MYO7B: variants seen among roughly 807,000 people sequenced by gnomAD.
MYO7B encodes the protein unconventional myosin-VIIb.
In MYO7B, 212 loss-of-function variants were observed where a neutral mutation model predicts 259.7. The ratio of observed to expected loss-of-function variants is 0.82; its 90% confidence interval spans 0.73 to 0.91. The LOEUF (loss-of-function observed/expected upper bound fraction) is 0.91, where lower values mean the gene tolerates loss of function less well. Ranked by LOEUF, MYO7B falls within the 40% of genes least tolerant of loss-of-function variation. The pLI is 0.00. For synonymous variants in MYO7B, 1,197 were observed against 1,166.4 expected, an observed-to-expected ratio of 1.03 and a Z score of -0.54; for missense variants, 2,732 against 2,813.5, an observed-to-expected ratio of 0.97 and a Z score of 0.66.
rs1308205388 is a variant in MYO7B, at chr2:127,636,046, C to A, written c.6006+139C>A. On this transcript the variant is annotated intron_variant, in intron 44 of 47. Coordinates refer to ENST00000409816, the MANE Select transcript of MYO7B (RefSeq NM_001393586.1). The surrounding 1 kb of genome is among the most constrained non-coding windows in gnomAD (Gnocchi z 4.5). Reference sequence around the variant, plus strand: ...GGAGGGTGGGCTGGCTCTGCACACACCACGCCTTCCTATGCCATCCACAGC... The same window carrying A: ...GGAGGGTGGGCTGGCTCTGCACACAACACGCCTTCCTATGCCATCCACAGC... The A allele has an allele frequency of 4.4e-6, 5 of 1,127,712 alleles. No individual in the cohort carries two copies. The highest frequency in any genetic ancestry group is 6.3e-6 in the Non-Finnish European group (5 of 794,620). 69.9% of individuals were successfully genotyped at this position (1,127,712 alleles called of 1,614,324 possible).
chr2:127,614,690 C>T lies in MYO7B; in HGVS notation c.3398+2087C>T, dbSNP rs1680506146. Among the ~76,000 whole-genome samples, 1 of 152,130 alleles carries T rather than the reference C, an allele frequency of 6.6e-6. No homozygotes were observed. The highest frequency in any genetic ancestry group is 1.5e-5 in the Non-Finnish European group (1 of 68,024). On this transcript the variant is annotated intron_variant, in intron 26 of 47. Transcript: ENST00000409816. The surrounding 1 kb of genome is among the most constrained non-coding windows in gnomAD (Gnocchi z 4.6). ...GCAGCCCCCAGTTCTCCTGGGGTCC[C>T]CTTCACCAACCTCATCACTTACAGG...
Position 127,624,121 on chromosome 2 carries a change from A to T in MYO7B, c.3848A>T (p.His1283Leu). 3 of 1,585,478 alleles carry T rather than the reference A, an allele frequency of 1.9e-6. No individual in the cohort carries two copies. Among genetic ancestry groups the T allele is most frequent in the Non-Finnish European group, 2.6e-6 (3 of 1,166,742 alleles). ...KFWSLGSGRDHMMDAIARCEQ... is the reference protein window; with the variant it reads ...KFWSLGSGRDLMMDAIARCEQ... ...TGGTCCCTGGGCAGCGGGCGCGACCACATGATGGATGCCATCGCCCGGTGT... is the reference window on the plus strand; with the variant it reads ...TGGTCCCTGGGCAGCGGGCGCGACCTCATGATGGATGCCATCGCCCGGTGT... Residue 1283 changes from histidine to leucine, a missense_variant, in exon 30 of 48, where the codon CAC becomes CTC. Coordinates refer to ENST00000409816, the MANE Select transcript of MYO7B (RefSeq NM_001393586.1).
chr2:127,600,596 G>C (rs1463390010), intron 19 of MYO7B, among the ~76,000 whole-genome samples: 1 of 152,244 alleles, frequency 6.6e-6, no homozygotes, highest in Non-Finnish European at 1.5e-5. Context: ...TGTAATCTCA[G>C]CTACTCAGGA....
chr2:127,540,457 C>A (rs1028156333), intron 1 of MYO7B, among the ~76,000 whole-genome samples: 15 of 152,184 alleles, frequency 9.9e-5, no homozygotes, highest in Admixed American at 2.0e-4. Context: ...AGCCACCGCG[C>A]CCAGCCGCAA....
In MYO7B at chr2:127,615,016, G is replaced by A. The variant is rs992086043; in HGVS notation, c.3398+2413G>A. On this transcript the variant is annotated intron_variant, in intron 26 of 47. Transcript: ENST00000409816. This position sits in a 1 kb window ranked among gnomAD's most constrained non-coding sequence, Gnocchi z 4.4. ...CACTCTGGGTCAGGCCCCAGCCTGA[G>A]GGCCAGGGACAGAGATGAAGAAGAC... Among the ~76,000 whole-genome samples the A allele has an allele frequency of 1.3e-5, 2 of 152,204 alleles. No homozygotes were observed. Among genetic ancestry groups the A allele is most frequent in the African/African-American group, 4.8e-5 (2 of 41,456 alleles).
At position 127,628,704 on chromosome 2, in the gene MYO7B, T is replaced by C. The variant is rs1681293646; in HGVS notation, c.4624+169T>C. Reference sequence around the variant, plus strand: ...CAGCTTTAGGCAAGGCCCTGCCTTCTTTCAGCCACTGCTTCCTCTTCTACA... The same window carrying C: ...CAGCTTTAGGCAAGGCCCTGCCTTCCTTCAGCCACTGCTTCCTCTTCTACA... On this transcript the variant is annotated intron_variant, in intron 34 of 47. Transcript: ENST00000409816. The surrounding 1 kb of genome is among the most constrained non-coding windows in gnomAD (Gnocchi z 4.8). 6.6e-6 allele frequency among the ~76,000 whole-genome samples: 1 copy of C among 152,188 alleles called. No individual in the cohort carries two copies. Among genetic ancestry groups the C allele is most frequent in the South Asian group, 2.1e-4 (1 of 4,834 alleles).
rs1681484032 is a variant in MYO7B at position 127,631,210 on chromosome 2, C to T, written c.4942C>T (p.Pro1648Ser). 1 of 1,598,242 alleles carries T rather than the reference C, an allele frequency of 6.3e-7. No homozygotes were observed. The highest frequency in any genetic ancestry group is 1.3e-5 in the African/African-American group (1 of 74,798). Residue 1648 changes from proline (P) to serine (S), a missense_variant, in exon 37 of 48, where the codon CCA becomes TCA. By Grantham distance (74) the Pro-to-Ser change is moderately conservative. Coordinates refer to ENST00000409816, the MANE Select transcript of MYO7B (RefSeq NM_001393586.1). Reference sequence around the variant, plus strand: ...CACCAGCCTCTAACCTCACAGGGCTCCAGAGAAGGACATGGTGAGCATGGC... The same window carrying T: ...CACCAGCCTCTAACCTCACAGGGCTTCAGAGAAGGACATGGTGAGCATGGC... ...EEFSYEFFRA[P>S]EKDMVSMAVL...
At chr2:127,555,183 G>A (rs147925987) in intron 1 of MYO7B, among the ~76,000 whole-genome samples, 26 of 152,152 alleles carry the variant, frequency 1.7e-4, no homozygotes, top group African/African-American at 4.3e-4. Flanking sequence ...CCCTGACCTC[G>A]TGACCCACTC....
Position 127,609,244 on chromosome 2 carries a change from G to A in MYO7B, c.2815-262G>A, listed in dbSNP as rs1329100988. Among the ~76,000 whole-genome samples, 2 of 152,158 alleles carry A rather than the reference G, an allele frequency of 1.3e-5. No homozygotes were observed. The highest frequency in any genetic ancestry group is 2.9e-5 in the Non-Finnish European group (2 of 68,006). ...TGCAGTGAGGATGGTGCATGCGGCA[G>A]AGGACACAGTGTCTGAGCGTGGGGC... On this transcript the variant is annotated intron_variant, in intron 22 of 47. Coordinates refer to ENST00000409816, the MANE Select transcript of MYO7B (RefSeq NM_001393586.1). The surrounding 1 kb of genome is among the most constrained non-coding windows in gnomAD (Gnocchi z 6.9).
chr2:127,580,472 C>G (rs1462293862), intron 9 of MYO7B, among the ~76,000 whole-genome samples: 1 of 152,244 alleles, frequency 6.6e-6, no homozygotes, highest in Non-Finnish European at 1.5e-5. Flanking sequence ...TCCAAATAAG[C>G]CCACCTTTCT....
At chr2:127,592,164 C>G (rs190019502) in intron 16 of MYO7B, among the ~76,000 whole-genome samples, 77 of 152,294 alleles carry the variant, frequency 5.1e-4, no homozygotes, top group African/African-American at 1.8e-3. Flanking sequence ...GACGCCAAGG[C>G]GGGCGGATCA....
Position 127,578,142 on chromosome 2 carries a change from A to G in MYO7B, c.859A>G (p.Thr287Ala), listed in dbSNP as rs1189838576. The G allele has an allele frequency of 6.2e-7, 1 of 1,613,602 alleles. No individual in the cohort carries two copies. Among genetic ancestry groups the G allele is most frequent in the Non-Finnish European group, 8.5e-7 (1 of 1,179,868 alleles). Reference protein sequence around the residue: ...EYHYLTMGNCTSCEGLNDAKD... With the variant: ...EYHYLTMGNCASCEGLNDAKD... ...GCACCCTGTCCCTCAGGGGAACTGC[A>G]CTTCCTGTGAGGGGCTCAACGACGC... The change falls in exon 9 of 48, where the codon ACT becomes GCT. Residue 287 changes from threonine to alanine, a missense_variant. By Grantham distance (58) the Thr-to-Ala change is moderately conservative. Coordinates refer to ENST00000409816, the MANE Select transcript of MYO7B (RefSeq NM_001393586.1).
chr2:127,589,876 G>A lies in MYO7B; in HGVS notation c.1855-216G>A, dbSNP rs186477509. Among the ~76,000 whole-genome samples the A allele has an allele frequency of 8.9e-3, 1,164 of 131,148 alleles. 17 individuals are homozygous for A. The highest frequency in any genetic ancestry group is 0.031 in the African/African-American group (1,081 of 34,722). 86.0% of individuals were successfully genotyped at this position (131,148 alleles called of 152,430 possible). A position where few individuals can be genotyped will look rare whatever the true frequency, so the allele number is the denominator to read the frequency against. On this transcript the variant is annotated intron_variant, in intron 15 of 47. Transcript: ENST00000409816. ...GGTGGGCGGGTGGATGGGTGGGTGG[G>A]TGGATGGATAGGTGTGTGAGTGGAT... is the stretch of plus-strand genomic sequence containing the variant.
rs1444711695 is a variant in MYO7B at position 127,628,876 on chromosome 2, C to CCCCATTAT, written c.4624+348_4624+355dup. Among the ~76,000 whole-genome samples, 3 of 152,242 alleles carry CCCCATTAT rather than the reference C, an allele frequency of 2.0e-5. No homozygotes were observed. Among genetic ancestry groups the CCCCATTAT allele is most frequent in the Non-Finnish European group, 4.4e-5 (3 of 68,048 alleles). On this transcript the variant is annotated intron_variant, in intron 34 of 47. Transcript: ENST00000409816. The surrounding 1 kb of genome is among the most constrained non-coding windows in gnomAD (Gnocchi z 4.8). ...CCCACAGCGCACTGCTGCAAAAGCACCCCATTATCCCATTTTACAGACGTG... is the reference window on the plus strand; with the variant it reads ...CCCACAGCGCACTGCTGCAAAAGCACCCCATTATCCCATTATCCCATTTTACAGACGTG...
chr2:127,544,729 T>C lies in MYO7B; in HGVS notation c.-24+8898T>C, dbSNP rs554767434. ...CCGAGTAGCTGGGACTACAGGCGCCTGCTACCACGCCCAGCTAATTTTTTG... is the reference window on the plus strand; with the variant it reads ...CCGAGTAGCTGGGACTACAGGCGCCCGCTACCACGCCCAGCTAATTTTTTG... On this transcript the variant is annotated intron_variant, in intron 1 of 47. Coordinates refer to ENST00000409816, the MANE Select transcript of MYO7B (RefSeq NM_001393586.1). Among the ~76,000 whole-genome samples, 294 of 152,114 alleles carry C rather than the reference T, an allele frequency of 1.9e-3. 2 individuals carry two copies. Among genetic ancestry groups the C allele is most frequent in the South Asian group, 0.011 (51 of 4,812 alleles).
chr2:127,596,420 G>A, intron 18 of MYO7B, 42 bp from the exon 19 acceptor site: 1 of 1,488,982 alleles, frequency 6.7e-7, no homozygotes. Context: ...GGGCTGTAGG[G>A]TGAGGGTGAG....
intron 1 of MYO7B, among the ~76,000 whole-genome samples, chr2:127,538,944 T>G (rs546132740): frequency 1.3e-5 from 2 of 152,290 alleles, no homozygotes; most frequent in East Asian, 3.9e-4. Flanking sequence ...CCCTCTTCTA[T>G]CAAATGGAGT....
At chr2:127,631,452 C>T in intron 37 of MYO7B, 89 bp downstream of exon 37, 8 of 1,542,950 alleles carry the variant, frequency 5.2e-6, no homozygotes, top group Non-Finnish European at 7.0e-6. Flanking sequence ...TGCTCTAGGG[C>T]AGGAGAGCCC....
chr2:127,550,613 A>G (rs1366919073), intron 1 of MYO7B, among the ~76,000 whole-genome samples: 9 of 151,378 alleles, frequency 5.9e-5, no homozygotes, highest in Non-Finnish European at 1.5e-5. Flanking sequence ...AGCAGAGGGA[A>G]AGTCAGGAAA....
Sources: allele counts gnomAD v4.1 joint callset (sites outside exome capture counted in the v4.1 genomes callset), GRCh38; gene constraint gnomAD v4.1.1; non-coding constraint Gnocchi (gnomAD v3.1); transcripts MANE v1.5; gene names NCBI Gene and HGNC (gene_info 2026-07-23, HGNC 2026-07-21).